XPOT: variants seen among roughly 807,000 people sequenced by gnomAD.
The protein encoded by XPOT is exportin-T.
Under a neutral mutation model 128.2 loss-of-function variants are expected in XPOT, and 34 were observed. That is an observed-to-expected ratio of 0.27 (90% confidence interval 0.20 to 0.35). The LOEUF (loss-of-function observed/expected upper bound fraction) is 0.35, where lower values mean the gene tolerates loss of function less well. XPOT is among the 10% of genes least tolerant of loss of function. The pLI is 1.00. For missense variants in XPOT, 838 were observed against 1,125.3 expected (o/e 0.74, Z 3.65); for synonymous variants, 348 against 394.3 (o/e 0.88, Z 1.39).
intron 1 of XPOT, among the ~76,000 whole-genome samples, chr12:64,407,759 G>A (rs953760259): frequency 2.0e-5 from 3 of 152,200 alleles, no homozygotes; most frequent in African/African-American, 7.2e-5. Context: ...GACCTGGTGT[G>A]CAGAATAGTG....
chr12:64,406,829 G>A (rs1311686267), intron 1 of XPOT, among the ~76,000 whole-genome samples: 1 of 152,136 alleles, frequency 6.6e-6, no homozygotes, highest in Non-Finnish European at 1.5e-5. Flanking sequence ...GGGGCGAAGG[G>A]AACCAGTGCC....
intron 11 of XPOT, 34 bp from the exon 12 acceptor site, chr12:64,424,565 G>GT (rs1343021737): frequency 1.2e-6 from 2 of 1,609,286 alleles, no homozygotes; most frequent in Non-Finnish European, 1.7e-6. Context: ...CAACCCATAA[G>GT]TTTTTTGAAT....
At chr12:64,408,878 T>G (rs1384402847) in intron 1 of XPOT, among the ~76,000 whole-genome samples, 1 of 152,176 alleles carries the variant, frequency 6.6e-6, no homozygotes, top group East Asian at 1.9e-4. Flanking sequence ...TTCACCGTAT[T>G]GGTCAGGCTG....
chr12:64,443,535 A>G (rs1313829315), intron 23 of XPOT, among the ~76,000 whole-genome samples: 6 of 151,846 alleles, frequency 4.0e-5, no homozygotes, highest in African/African-American at 1.5e-4. Context: ...GCTCACCGCA[A>G]CCTCTGCCTC....
intron 22 of XPOT, among the ~76,000 whole-genome samples, chr12:64,437,043 C>A (rs999020879): frequency 6.6e-6 from 1 of 152,156 alleles, no homozygotes; most frequent in African/African-American, 2.4e-5. Flanking sequence ...TTGCCCTCAC[C>A]CCCTAAAAAG....
Position 64,425,843 on chromosome 12 carries a change from G to A in XPOT, c.1601G>A (p.Arg534Gln), listed in dbSNP as rs147457141. The A allele has an allele frequency of 1.9e-5, 30 of 1,613,884 alleles. No homozygotes were observed. Among genetic ancestry groups the A allele is most frequent in the Non-Finnish European group, 2.3e-5 (27 of 1,180,012 alleles). The change falls in exon 15 of 25, where the codon CGG becomes CAG. Residue 534 changes from arginine (R) to glutamine (Q), a missense_variant. Physicochemically the swap from Arg to Gln is conservative, Grantham distance 43. Coordinates refer to ENST00000332707, the MANE Select transcript of XPOT (RefSeq NM_007235.6). ...LMAFLDHRGL[R>Q]HSSAKVRSRT... ...GCTTTCTTAGATCACAGAGGTCTGC[G>A]GCATTCCAGTGCAAAAGTTCGGAGC...
intron 22 of XPOT, among the ~76,000 whole-genome samples, chr12:64,438,626 T>C (rs1396817360): frequency 1.3e-5 from 2 of 149,112 alleles, no homozygotes; most frequent in Non-Finnish European, 3.0e-5. Flanking sequence ...AGAGATACAT[T>C]GATTTTTTTT....
At chr12:64,424,902 G>T in intron 12 of XPOT, 136 bp from the exon 13 acceptor site, 1 of 1,327,148 alleles carries the variant, frequency 7.5e-7, no homozygotes, top group East Asian at 2.4e-5. Flanking sequence ...CCTTTGTGAT[G>T]TATTGCCTGG....
intron 5 of XPOT, among the ~76,000 whole-genome samples, 153 bp from the exon 6 acceptor site, chr12:64,418,721 CAT>C (rs2040110621): frequency 6.6e-6 from 1 of 152,134 alleles, no homozygotes; most frequent in Non-Finnish European, 1.5e-5. Context: ...TTTTGATAAT[CAT>C]AATTATCAAA....
chr12:64,419,129 G>A, intron 6 of XPOT, 35 bp downstream of exon 6: 1 of 1,568,746 alleles, frequency 6.4e-7, no homozygotes, highest in Non-Finnish European at 8.7e-7. Flanking sequence ...TATATTTAAT[G>A]TAAGTTTTGT....
At chr12:64,421,975 G>T (rs1364134303) in intron 9 of XPOT, among the ~76,000 whole-genome samples, 3 of 152,058 alleles carry the variant, frequency 2.0e-5, no homozygotes, top group South Asian at 2.1e-4. Flanking sequence ...ACCACATCCA[G>T]CTGATTTTGT....
At chr12:64,446,435 T>TTCTTTCCTCA (rs778122928) in intron 24 of XPOT, among the ~76,000 whole-genome samples, 10 of 152,192 alleles carry the variant, frequency 6.6e-5, no homozygotes, top group Non-Finnish European at 1.3e-4. Flanking sequence ...ATCTTGCAGA[T>TTCTTTCCTCA]TCTTTCCTCA....
chr12:64,438,130 A>G (rs1222539562), intron 22 of XPOT, among the ~76,000 whole-genome samples: 1 of 152,226 alleles, frequency 6.6e-6, no homozygotes, highest in Non-Finnish European at 1.5e-5. Flanking sequence ...GAAAGGAAAC[A>G]GTAAGGATGG....
chr12:64,447,234 G>C (rs58127559), intron 24 of XPOT, among the ~76,000 whole-genome samples: 1 of 152,050 alleles, frequency 6.6e-6, no homozygotes, highest in African/African-American at 2.4e-5. Flanking sequence ...TGAGATCTGC[G>C]TGGGGACACA....
chr12:64,405,764 C>G (rs963897930), intron 1 of XPOT, among the ~76,000 whole-genome samples: 2 of 151,868 alleles, frequency 1.3e-5, no homozygotes, highest in Non-Finnish European at 2.9e-5. Context: ...ATTACAGGTG[C>G]GCCCCGCCAC....
rs1379574871 is a variant in XPOT at position 64,425,041 on chromosome 12, T to C, written c.1311T>C (p.Asn437=). The change falls in exon 13 of 25, where the codon AAT becomes AAC. Residue 437 remains asparagine (N), a synonymous_variant. Transcript: ENST00000332707. ...CTGACATATTATACCTTGGTAGGAA[T>C]TGGCAGACTACACGGTTTATGGAAG... ...VRRVFSSTLQ[N]WQTTRFMEVE... 11 of 1,612,298 alleles carry C rather than the reference T, an allele frequency of 6.8e-6. No individual in the cohort carries two copies. Among genetic ancestry groups the C allele is most frequent in the African/African-American group, 2.7e-5 (2 of 74,884 alleles).
chr12:64,426,441 C>CA (rs1240694966), intron 15 of XPOT, among the ~76,000 whole-genome samples: 2 of 151,790 alleles, frequency 1.3e-5, no homozygotes, highest in East Asian at 1.9e-4. Context: ...AACGCAGAAA[C>CA]AAAAAAACAA....
chr12:64,407,795 C>T (rs757241427), intron 1 of XPOT, among the ~76,000 whole-genome samples: 2 of 152,124 alleles, frequency 1.3e-5, no homozygotes, highest in African/African-American at 2.4e-5. Context: ...GTGTTTGGAT[C>T]GTAATCTGAG....
At chr12:64,410,617 C>T (rs886214799) in intron 2 of XPOT, among the ~76,000 whole-genome samples, 7 of 152,046 alleles carry the variant, frequency 4.6e-5, no homozygotes, top group African/African-American at 1.7e-4. Context: ...TCACCCTGCC[C>T]GGCCACATTA....
Sources: gnomAD v4.1 joint callset for allele counts (sites outside exome capture counted in the v4.1 genomes callset) on GRCh38, gnomAD v4.1.1 for gene constraint, MANE v1.5 for transcripts, NCBI Gene and HGNC (gene_info 2026-07-23, HGNC 2026-07-21) for gene names.